SLC44A3: variants seen among roughly 807,000 people sequenced by gnomAD.
SLC44A3 encodes solute carrier family 44 member 3, also known as choline transporter-like protein 3.
In SLC44A3, 74 loss-of-function variants were observed where a neutral mutation model predicts 75.4. The ratio of observed to expected loss-of-function variants is 0.98; its 90% CI spans 0.81 to 1.19. SLC44A3 has a LOEUF of 1.19. Among genes scored for constraint, SLC44A3 ranks in the 50% most tolerant of loss-of-function variants. The probability of loss-of-function intolerance (pLI) is 0.00; values close to 1 mark genes in which losing one functional copy is unlikely to be tolerated. For synonymous variants in SLC44A3, 310 were observed against 296.9 expected (o/e 1.04, Z -0.45); for missense variants, 700 against 778.6 (o/e 0.90, Z 1.20).
Position 94,892,588 on chromosome 1 carries a change from C to A in SLC44A3, c.1857+71C>A, listed in dbSNP as rs764986808. 1.4e-5 allele frequency: 20 copies of A among 1,434,292 alleles called. No individual in the cohort carries two copies. In the Middle Eastern group the frequency reaches 1.3e-3, roughly 93 times the overall value. The allele number at this position is 1,434,292 out of a possible 1,614,324, so 88.8% of individuals were successfully genotyped here. On this transcript the variant is annotated intron_variant, in intron 14 of 14. Coordinates refer to ENST00000271227, the MANE Select transcript of SLC44A3 (RefSeq NM_001114106.3). ...CTTGAAAGTTTTGTAAAGCTGCACA[C>A]ACGAAAGAGGCTCATACCCAGCCTC...
At chr1:94,879,213 A>AC (rs1668655321) in intron 12 of SLC44A3, among the ~76,000 whole-genome samples, 1 of 53,544 alleles carries the variant, frequency 1.9e-5, no homozygotes, top group African/African-American at 4.7e-5. Flanking sequence ...AACAACAACT[A>AC]CAAAAAAAAA....
chr1:94,870,402 A>T (rs1667627662), intron 12 of SLC44A3, among the ~76,000 whole-genome samples: 1 of 152,192 alleles, frequency 6.6e-6, no homozygotes, highest in East Asian at 1.9e-4. Context: ...TATGCATGAG[A>T]CATTTATATG....
Position 94,839,964 on chromosome 1 carries a change from G to A in SLC44A3, c.687G>A (p.Met229Ile), listed in dbSNP as rs985932121. 1.9e-6 allele frequency: 3 copies of A among 1,614,012 alleles called. No homozygotes were observed. The highest frequency in any genetic ancestry group is 2.5e-6 in the Non-Finnish European group (3 of 1,179,946). ...ATTTTTCAGCCTTGTCTTTGGCCAT[G>A]ATGTTTACCTTCAGATTCATCACCA... ...CILALALSLA[M>I]MFTFRFITTL... The change falls in exon 7 of 15, where the codon ATG becomes ATA. Residue 229 changes from methionine to isoleucine, a missense_variant. Transcript: ENST00000271227.
chr1:94,834,960 A>T (rs1040708274), intron 5 of SLC44A3, among the ~76,000 whole-genome samples: 21 of 152,216 alleles, frequency 1.4e-4, no homozygotes, highest in African/African-American at 5.1e-4. Context: ...CAACTTCACC[A>T]GTGTTGTCAT....
intron 12 of SLC44A3, among the ~76,000 whole-genome samples, chr1:94,876,778 C>G (rs921984963): frequency 6.6e-6 from 1 of 152,196 alleles, no homozygotes. Flanking sequence ...AACCTGATTT[C>G]TAACTTTGAG....
rs1428533228 is a variant in SLC44A3, at chr1:94,845,361, C to G, written c.969C>G (p.Ile323Met). 6.2e-7 allele frequency: 1 copy of G among 1,614,140 alleles called. No individual in the cohort carries two copies. The highest frequency in any genetic ancestry group is 1.1e-5 in the South Asian group (1 of 91,060). Residue 323 changes from isoleucine (I) to methionine (M), a missense_variant, in exon 9 of 15, where the codon ATC (isoleucine) becomes ATG (methionine). Physicochemically the swap from Ile to Met is conservative, Grantham distance 10. Transcript: ENST00000271227. ...TTTTCCAAATCACAAATAAAGCCAT[C>G]AGCAGTGCTCCCTTCCTGCTGTTCC... ...VELFQITNKA[I>M]SSAPFLLFQP... is the part of the protein sequence containing the mutation.
At chr1:94,874,397 C>T (rs1668063873) in intron 12 of SLC44A3, among the ~76,000 whole-genome samples, 1 of 152,212 alleles carries the variant, frequency 6.6e-6, no homozygotes, top group Non-Finnish European at 1.5e-5. Context: ...AAGCCCTCTT[C>T]TCCAAGTGGG....
intron 1 of SLC44A3, 96 bp from the exon 2 acceptor site, chr1:94,820,853 G>A: frequency 7.6e-7 from 1 of 1,324,194 alleles, no homozygotes; most frequent in Non-Finnish European, 1.0e-6. Flanking sequence ...AAAAAGATTG[G>A]TTACTTTGGC....
intron 12 of SLC44A3, among the ~76,000 whole-genome samples, chr1:94,879,838 CAA>C (rs763642670): frequency 2.0e-4 from 12 of 60,824 alleles, no homozygotes; most frequent in East Asian, 5.1e-4. Context: ...GATTCTGTCT[CAA>C]AAAAAAAAAA....
intron 4 of SLC44A3, 57 bp downstream of exon 4, chr1:94,827,700 C>A (rs1162840807): frequency 2.2e-5 from 34 of 1,580,382 alleles, no homozygotes; most frequent in Admixed American, 3.5e-5. Flanking sequence ...CTGTGGGGAC[C>A]TAGATGAGAT....
chr1:94,889,936 C>T (rs960876889), intron 12 of SLC44A3, among the ~76,000 whole-genome samples: 2 of 151,926 alleles, frequency 1.3e-5, no homozygotes, highest in Non-Finnish European at 2.9e-5. Context: ...CCGCAAACTC[C>T]GCCTCCCGGG....
intron 7 of SLC44A3, among the ~76,000 whole-genome samples, chr1:94,840,283 C>CTTTTTTTTTTTTTTTTTTTTTTTTT (rs56383271): frequency 6.5e-5 from 5 of 77,360 alleles, no homozygotes; most frequent in Admixed American, 1.9e-4. Flanking sequence ...TTTCTTTTTC[C>CTTTTTTTTTTTTTTTTTTTTTTTTT]TTTTTTTTTT....
intron 12 of SLC44A3, among the ~76,000 whole-genome samples, chr1:94,880,213 C>T (rs888175757): frequency 1.3e-5 from 2 of 152,332 alleles, no homozygotes; most frequent in East Asian, 1.9e-4. Context: ...CTCAGAGTTA[C>T]TTGCACACCT....
chr1:94,880,772 T>C (rs916957660), intron 12 of SLC44A3, among the ~76,000 whole-genome samples: 13 of 151,922 alleles, frequency 8.6e-5, no homozygotes, highest in Non-Finnish European at 1.9e-4. Context: ...GGGTATAGGG[T>C]TTCAGTGTTG....
chr1:94,851,650 C>T (rs1665227995), intron 9 of SLC44A3, among the ~76,000 whole-genome samples: 1 of 152,218 alleles, frequency 6.6e-6, no homozygotes. Flanking sequence ...TCATATATTG[C>T]AGGCTGCCTG....
At position 94,892,320 on chromosome 1, in the gene SLC44A3, G is replaced by A; in HGVS notation, c.1660G>A (p.Ala554Thr). Reference protein sequence around the residue: ...VCFTVFGGLMAFNYNRAFQVW... With the variant: ...VCFTVFGGLMTFNYNRAFQVW... ...TTTCACTGTTTTTGGAGGACTCATG[G>A]CTTTTAACTACAATCGGGCATTCCA... is the stretch of plus-strand genomic sequence containing the variant. The change falls in exon 14 of 15, where the codon GCT (alanine) becomes ACT (threonine). Residue 554 changes from alanine (A) to threonine (T), a missense_variant. Physicochemically the swap from Ala to Thr is moderately conservative, Grantham distance 58 (BLOSUM62 0). Transcript: ENST00000271227. 1.2e-6 allele frequency: 2 copies of A among 1,614,178 alleles called. No individual in the cohort carries two copies. Among genetic ancestry groups the A allele is most frequent in the Non-Finnish European group, 1.7e-6 (2 of 1,180,036 alleles).
Position 94,835,031 on chromosome 1 carries a change from T to G in SLC44A3, c.510-2680T>G, listed in dbSNP as rs1361077764. On this transcript the variant is annotated intron_variant, in intron 5 of 14. Coordinates refer to ENST00000271227, the MANE Select transcript of SLC44A3 (RefSeq NM_001114106.3). Reference sequence around the variant, plus strand: ...CCTCTGTGGCACTGTCCCAAAAACCTGTTGACTGTAGCCTAATCATGAGAA... The same window carrying G: ...CCTCTGTGGCACTGTCCCAAAAACCGGTTGACTGTAGCCTAATCATGAGAA... Among the ~76,000 whole-genome samples the G allele has an allele frequency of 2.6e-5, 4 of 152,236 alleles. No individual in the cohort carries two copies. The East Asian group carries it at 7.7e-4, about 29-fold the overall frequency.
At chr1:94,848,511 C>T (rs530935644) in intron 9 of SLC44A3, among the ~76,000 whole-genome samples, 38 of 152,310 alleles carry the variant, frequency 2.5e-4, no homozygotes, top group Middle Eastern at 6.8e-3. Context: ...CTTCCCACCT[C>T]CTTAGGTGCA....
intron 7 of SLC44A3, 45 bp from the exon 8 acceptor site, chr1:94,841,955 C>T (rs2101060274): frequency 1.3e-6 from 2 of 1,566,870 alleles, no homozygotes; most frequent in Non-Finnish European, 1.7e-6. Context: ...GGAAAGGTTA[C>T]CTCATGGCGT....
Sources: allele counts gnomAD v4.1 joint callset (sites outside exome capture counted in the v4.1 genomes callset), GRCh38; gene constraint gnomAD v4.1.1; transcripts MANE v1.5; gene names NCBI Gene and HGNC (gene_info 2026-07-23, HGNC 2026-07-21).